TMEM201: variants seen among roughly 807,000 people sequenced by gnomAD.
TMEM201 encodes RP13-15M17.2.
Under a neutral mutation model 63.4 loss-of-function variants are expected in TMEM201, and 26 were observed. That is an observed-to-expected ratio of 0.41 (90% confidence interval 0.30 to 0.57). The LOEUF (loss-of-function observed/expected upper bound fraction) is 0.57, where lower values mean the gene tolerates loss of function less well. TMEM201 is among the 20% of genes least tolerant of loss of function. The pLI is 0.29. For missense variants in TMEM201, 794 were observed against 917.7 expected (o/e 0.87, Z 1.74); for synonymous variants, 417 against 421.6 (o/e 0.99, Z 0.14).
intron 10 of TMEM201, among the ~76,000 whole-genome samples, chr1:9,612,322 C>T (rs1362422958): frequency 1.3e-5 from 2 of 152,330 alleles, no homozygotes; most frequent in East Asian, 3.9e-4. Flanking sequence ...CACGCTGGGG[C>T]TGCAGCCTGC....
Position 9,607,667 on chromosome 1 carries a change from G to C in TMEM201, c.1271G>C (p.Ser424Thr), listed in dbSNP as rs770520550. Residue 424 changes from serine to threonine, a missense_variant, in exon 7 of 11, where the codon AGC (serine) becomes ACC (threonine). Coordinates refer to ENST00000340381, the MANE Select transcript of TMEM201 (RefSeq NM_001130924.3). This position sits in a 1 kb window ranked among gnomAD's most constrained non-coding sequence, Gnocchi z 5.4. ...PASLFIPSPP[S>T]FLPLANQQLF... ...TCTCTGTTCATCCCCAGCCCGCCCA[G>C]CTTCCTGCCCCTCGCCAACCAGCAG... The C allele has an allele frequency of 3.0e-5, 46 of 1,551,880 alleles. No homozygotes were observed. The highest frequency in any genetic ancestry group is 3.6e-5 in the Non-Finnish European group (41 of 1,147,096).
chr1:9,611,387 G>A (rs999960568), intron 9 of TMEM201, among the ~76,000 whole-genome samples: 2 of 152,038 alleles, frequency 1.3e-5, no homozygotes, highest in African/African-American at 2.4e-5. Flanking sequence ...TAGTAGAGAC[G>A]GGATATCACC....
In TMEM201 at chr1:9,596,950, A is replaced by G; in HGVS notation, c.326A>G (p.Gln109Arg). The G allele has an allele frequency of 1.2e-6, 2 of 1,612,978 alleles. No homozygotes were observed. Among genetic ancestry groups the G allele is most frequent in the South Asian group, 2.2e-5 (2 of 91,056 alleles). ...GCGCCCAGCCTGCGCGACCCTTCGC[A>G]GCCGCAGCAGTGGGTGAGCAGCCAA... ...SSAPSLRDPS[Q>R]PQQWVSSQVL... Residue 109 changes from glutamine (Q) to arginine (R), a missense_variant, in exon 3 of 11, where the codon CAG becomes CGG. Coordinates refer to ENST00000340381, the MANE Select transcript of TMEM201 (RefSeq NM_001130924.3).
At chr1:9,609,998 TCAGA>T in intron 8 of TMEM201, 87 bp downstream of exon 8, 2 of 1,299,818 alleles carry the variant, frequency 1.5e-6, no homozygotes, top group African/African-American at 1.5e-5. Context: ...AGCTTTGGGG[TCAGA>T]CAGACCCCAA....
At chr1:9,597,077 G>T in intron 3 of TMEM201, 24 bp downstream of exon 3, 1 of 1,586,928 alleles carries the variant, frequency 6.3e-7, no homozygotes, top group Non-Finnish European at 8.6e-7. Flanking sequence ...GGGAGGGCAG[G>T]GGTCCTGGCT....
Position 9,607,455 on chromosome 1 carries a change from C to G in TMEM201, c.1161-102C>G, listed in dbSNP as rs571603392. ...CCTCCTCTGGGACCCCAGCTGAGGC[C>G]CCCACCTTGCACTGTGGGAGAGGGG... On this transcript the variant is annotated intron_variant, in intron 6 of 10. Transcript: ENST00000340381. This position sits in a 1 kb window ranked among gnomAD's most constrained non-coding sequence, Gnocchi z 5.4. 59 of 871,284 alleles carry G rather than the reference C, an allele frequency of 6.8e-5. No individual in the cohort carries two copies. In the African/African-American group the frequency reaches 9.2e-4, roughly 14 times the overall value. 54.0% of individuals were successfully genotyped at this position (871,284 alleles called of 1,614,324 possible).
rs1463283980 is a variant in TMEM201 at position 9,603,642 on chromosome 1, G to A, written c.1160+1370G>A. Reference sequence around the variant, plus strand: ...TGCATGAGGGTTACACCCGTCACCTGGGTCTGCCGGGATGGGTTGGGGGGG... The same window carrying A: ...TGCATGAGGGTTACACCCGTCACCTAGGTCTGCCGGGATGGGTTGGGGGGG... On this transcript the variant is annotated intron_variant, in intron 6 of 10. Coordinates refer to ENST00000340381, the MANE Select transcript of TMEM201 (RefSeq NM_001130924.3). This position sits in a 1 kb window ranked among gnomAD's most constrained non-coding sequence, Gnocchi z 4.5. 1.0e-6 allele frequency: 1 copy of A among 985,360 alleles called. No homozygotes were observed. The highest frequency in any genetic ancestry group is 1.2e-6 in the Non-Finnish European group (1 of 829,980). 61.0% of individuals were successfully genotyped at this position (985,360 alleles called of 1,614,324 possible).
chr1:9,609,799 T>G (rs776363531), intron 7 of TMEM201, 41 bp from the exon 8 acceptor site: 1 of 1,539,202 alleles, frequency 6.5e-7, no homozygotes, highest in East Asian at 2.4e-5. Context: ...CTGCACGTCA[T>G]CCACAGGCCT....
intron 6 of TMEM201, chr1:9,606,501 C>T (rs1161096869): frequency 6.6e-6 from 1 of 152,234 alleles, no homozygotes; most frequent in Non-Finnish European, 1.5e-5. Flanking sequence ...TGGCGCGCGG[C>T]TTGGCTAGCG....
At chr1:9,594,516 C>T (rs758368195) in intron 1 of TMEM201, among the ~76,000 whole-genome samples, 3 of 152,240 alleles carry the variant, frequency 2.0e-5, no homozygotes, top group South Asian at 2.1e-4. Flanking sequence ...CTGTTAAGTG[C>T]GTCCCACGAG....
At chr1:9,590,573 C>T (rs1643903437) in intron 1 of TMEM201, among the ~76,000 whole-genome samples, 1 of 152,196 alleles carries the variant, frequency 6.6e-6, no homozygotes, top group South Asian at 2.1e-4. Flanking sequence ...AGCTCTCCAT[C>T]TCCTGGAAAC....
rs1411285132 is a variant in TMEM201 at position 9,607,706 on chromosome 1, C to T, written c.1310C>T (p.Pro437Leu). The T allele has an allele frequency of 4.5e-6, 7 of 1,551,910 alleles. 1 individual carries two copies. The South Asian group carries it at 8.3e-5, about 18-fold the overall frequency. ...PLANQQLFRS[P>L]RRTSPSSLPG... ...GCCAACCAGCAGCTCTTCCGGTCTC[C>T]TCGACGGACCTCACCCTCCTCATTG... The change falls in exon 7 of 11, where the codon CCT becomes CTT. Residue 437 changes from proline (P) to leucine (L), a missense_variant. By Grantham distance (98) the Pro-to-Leu change is moderately conservative. Transcript: ENST00000340381. This position sits in a 1 kb window ranked among gnomAD's most constrained non-coding sequence, Gnocchi z 5.4.
intron 1 of TMEM201, among the ~76,000 whole-genome samples, chr1:9,592,245 G>C (rs1030680043): frequency 3.3e-5 from 5 of 152,242 alleles, no homozygotes; most frequent in Non-Finnish European, 7.3e-5. Flanking sequence ...ACACGGTGTT[G>C]CCCACTTAAG....
At chr1:9,611,472 A>G (rs951720207) in intron 9 of TMEM201, among the ~76,000 whole-genome samples, 2 of 152,246 alleles carry the variant, frequency 1.3e-5, no homozygotes, top group African/African-American at 4.8e-5. Context: ...TGCTGGGATC[A>G]CAGGCGTGGG....
At chr1:9,598,411 C>T (rs1208039946) in intron 3 of TMEM201, 38 bp from the exon 4 acceptor site, 2 of 1,593,852 alleles carry the variant, frequency 1.3e-6, no homozygotes, top group Non-Finnish European at 1.7e-6. Flanking sequence ...AGCTCATCCA[C>T]CCCTGCAGAT....
intron 1 of TMEM201, among the ~76,000 whole-genome samples, chr1:9,592,628 G>C (rs1258573838): frequency 9.6e-6 from 1 of 104,640 alleles, no homozygotes; most frequent in Non-Finnish European, 2.5e-5. Flanking sequence ...CAGGAGCTTT[G>C]TTTCAATACA....
At chr1:9,600,535 G>A (rs924424688) in intron 4 of TMEM201, among the ~76,000 whole-genome samples, 6 of 152,136 alleles carry the variant, frequency 3.9e-5, no homozygotes, top group Middle Eastern at 3.2e-3. Context: ...TCACTCTCCC[G>A]GGACACCCAC....
rs1644195031 is a variant in TMEM201 at position 9,603,925 on chromosome 1, T to G, written c.1160+1653T>G. The G allele has an allele frequency of 1.0e-6, 1 of 985,298 alleles. No homozygotes were observed. The highest frequency in any genetic ancestry group is 1.2e-6 in the Non-Finnish European group (1 of 829,950). The allele number at this position is 985,298 out of a possible 1,614,324, so 61.0% of individuals were successfully genotyped here. A position where few individuals can be genotyped will look rare whatever the true frequency, so the allele number is the denominator to read the frequency against. On this transcript the variant is annotated intron_variant, in intron 6 of 10. Coordinates refer to ENST00000340381, the MANE Select transcript of TMEM201 (RefSeq NM_001130924.3). This position sits in a 1 kb window ranked among gnomAD's most constrained non-coding sequence, Gnocchi z 4.5. ...GTGAGAAAACCCCTCTGAAAAGATGTGGTCGGGGCCACGCTTCCCACTGGT... is the reference window on the plus strand; with the variant it reads ...GTGAGAAAACCCCTCTGAAAAGATGGGGTCGGGGCCACGCTTCCCACTGGT...
intron 10 of TMEM201, 122 bp downstream of exon 10, chr1:9,612,012 C>A: frequency 8.3e-7 from 1 of 1,205,236 alleles, no homozygotes; most frequent in Non-Finnish European, 1.1e-6. Flanking sequence ...CCCTGAGTGG[C>A]CGACAAGTAA....
Sources: gnomAD v4.1 joint callset for allele counts (sites outside exome capture counted in the v4.1 genomes callset) on GRCh38, gnomAD v4.1.1 for gene constraint, Gnocchi (gnomAD v3.1) non-coding constraint, MANE v1.5 for transcripts, NCBI Gene and HGNC (gene_info 2026-07-23, HGNC 2026-07-21) for gene names.